ATF7: variants seen among roughly 807,000 people sequenced by gnomAD.
The protein encoded by ATF7 is activating transcription factor 7.
Under a neutral mutation model 50.4 loss-of-function variants are expected in ATF7, and 10 were observed. The observed-to-expected ratio is 0.20, with a 90% CI of 0.12 to 0.34. ATF7 has a LOEUF of 0.34. Ranked by LOEUF, ATF7 falls within the 10% of genes least tolerant of loss-of-function variation. The probability of loss-of-function intolerance (pLI) is 1.00; values close to 1 mark genes in which losing one functional copy is unlikely to be tolerated. For synonymous variants in ATF7, 201 were observed against 226.4 expected (o/e 0.89, Z 1.01); for missense variants, 465 against 613.9 (o/e 0.76, Z 2.56).
intron 2 of ATF7, among the ~76,000 whole-genome samples, chr12:53,587,837 ATATATATT>A (rs200959522): frequency 6.1e-5 from 3 of 49,282 alleles, no homozygotes; most frequent in South Asian, 1.9e-3. Flanking sequence ...ATATATATAT[ATATATATT>A]TTTTTTTTTT....
At chr12:53,540,670 A>G (rs1210461190) in intron 4 of ATF7, among the ~76,000 whole-genome samples, 1 of 151,878 alleles carries the variant, frequency 6.6e-6, no homozygotes, top group Non-Finnish European at 1.5e-5. Context: ...AGGTTGCAGT[A>G]AGCCGAGATT....
chr12:53,625,793 T>C (rs1038783763), intron 1 of ATF7, among the ~76,000 whole-genome samples: 8 of 152,136 alleles, frequency 5.3e-5, no homozygotes, highest in Non-Finnish European at 4.4e-5. Context: ...TCCCACTCTT[T>C]GGGAAGCCCT....
rs142049305 is a variant in ATF7, at chr12:53,541,311, T to C, written c.264+2019A>G. Among the ~76,000 whole-genome samples the C allele has an allele frequency of 4.0e-4, 61 of 152,262 alleles. No homozygotes were observed. In the East Asian group the frequency reaches 0.011, roughly 26 times the overall value. On this transcript the variant is annotated intron_variant, in intron 4 of 11. Transcript: ENST00000420353. ...TCCCATGCTTCACTATACCATGCAATTGTGAGGTTAATGTGTTTATATATA... is the reference window on the plus strand; with the variant it reads ...TCCCATGCTTCACTATACCATGCAACTGTGAGGTTAATGTGTTTATATATA...
Position 53,524,709 on chromosome 12 carries a change from A to G in ATF7, c.980T>C (p.Val327Ala). 1 of 1,613,046 alleles carries G rather than the reference A, an allele frequency of 6.2e-7. No individual in the cohort carries two copies. Among genetic ancestry groups the G allele is most frequent in the East Asian group, 2.2e-5 (1 of 44,876 alleles). The change falls in exon 10 of 12, where the codon GTA becomes GCA. Residue 327 changes from valine (V) to alanine (A), a missense_variant. Coordinates refer to ENST00000420353, the MANE Select transcript of ATF7 (RefSeq NM_006856.3). The surrounding 1 kb of genome is among the most constrained non-coding windows in gnomAD (Gnocchi z 4.6). ...CCGTCGCTCATCTGGATCTTCATCT[A>G]CTGTGCGCCGCCGTCGCCCCCCAGT... ...PSTGGRRRRT[V>A]DEDPDERRQR... is the part of the protein sequence containing the mutation.
intron 1 of ATF7, among the ~76,000 whole-genome samples, chr12:53,618,774 G>A (rs139761317): frequency 1.8e-4 from 27 of 152,160 alleles, no homozygotes; most frequent in Non-Finnish European, 2.4e-4. Flanking sequence ...AGTTAGGGTC[G>A]GACGCGATGG....
chr12:53,550,725 G>A (rs1940300157), intron 3 of ATF7, among the ~76,000 whole-genome samples: 1 of 152,204 alleles, frequency 6.6e-6, no homozygotes, highest in South Asian at 2.1e-4. Context: ...GTTCACATAA[G>A]GGGTTGGGAT....
chr12:53,545,833 T>TC (rs1057188501), intron 3 of ATF7, among the ~76,000 whole-genome samples: 6 of 151,568 alleles, frequency 4.0e-5, no homozygotes, highest in African/African-American at 1.5e-4. Flanking sequence ...GGCAGGCGGA[T>TC]CCCCCCTTGA....
rs187425887 is a variant in ATF7 at position 53,619,885 on chromosome 12, C to T, written c.-22+6394G>A. Among the ~76,000 whole-genome samples the T allele has an allele frequency of 8.5e-4, 130 of 152,090 alleles. 1 individual carries two copies. Among genetic ancestry groups the T allele is most frequent in the Middle Eastern group, 6.8e-3 (2 of 292 alleles). On this transcript the variant is annotated intron_variant, in intron 1 of 11. Coordinates refer to ENST00000420353, the MANE Select transcript of ATF7 (RefSeq NM_006856.3). ...ATCTGGCCAGGCACAGTAGCTCATG[C>T]GTGTAATCTCAGCACTTTGGGAGGC... is the stretch of plus-strand genomic sequence containing the variant.
chr12:53,533,056 A>G, intron 7 of ATF7, 104 bp downstream of exon 7: 1 of 1,029,400 alleles, frequency 9.7e-7, no homozygotes, highest in Non-Finnish European at 1.5e-6. Flanking sequence ...AATATAGATC[A>G]GAGCCCACAT....
chr12:53,569,867 C>T (rs772548310), intron 2 of ATF7, among the ~76,000 whole-genome samples: 1 of 152,028 alleles, frequency 6.6e-6, no homozygotes, highest in Non-Finnish European at 1.5e-5. Flanking sequence ...TTGGTAGAGA[C>T]GGGGTTTCAC....
chr12:53,600,344 CTT>C (rs1301233001), intron 2 of ATF7, among the ~76,000 whole-genome samples: 3 of 145,514 alleles, frequency 2.1e-5, no homozygotes, highest in Admixed American at 6.9e-5. Flanking sequence ...TTCTTTCTTT[CTT>C]TTTTTTTTTT....
At chr12:53,520,533 A>G (rs183988076) in intron 11 of ATF7, among the ~76,000 whole-genome samples, 1 of 152,212 alleles carries the variant, frequency 6.6e-6, no homozygotes, top group African/African-American at 2.4e-5. Context: ...CCTCCAAAAA[A>G]TCCCAAACCA....
At chr12:53,625,995 C>G (rs1191621052) in intron 1 of ATF7, 1 of 152,286 alleles carries the variant, frequency 6.6e-6, no homozygotes, top group East Asian at 1.9e-4. Context: ...CGCCTTCCCC[C>G]CAAAGGAAGG....
intron 9 of ATF7, chr12:53,525,077 G>A (rs910610630): frequency 1.2e-4 from 28 of 230,762 alleles, no homozygotes; most frequent in Non-Finnish European, 2.0e-4. Flanking sequence ...AATCTTGACC[G>A]GCACAGTGGC....
intron 11 of ATF7, chr12:53,517,686 GTTT>G (rs1937796211): frequency 3.4e-6 from 1 of 297,130 alleles, no homozygotes; most frequent in African/African-American, 2.1e-5. Flanking sequence ...ATTCTTTCTT[GTTT>G]TTAAGAGATA....
chr12:53,528,174 A>C (rs977313151), intron 9 of ATF7, among the ~76,000 whole-genome samples: 2 of 152,100 alleles, frequency 1.3e-5, no homozygotes, highest in Non-Finnish European at 2.9e-5. Flanking sequence ...GACTAATATT[A>C]TCTCTCCCAA....
intron 11 of ATF7, among the ~76,000 whole-genome samples, chr12:53,521,128 G>A (rs1450272205): frequency 1.3e-5 from 2 of 152,116 alleles, no homozygotes; most frequent in African/African-American, 4.8e-5. Context: ...AAGTAGCTGG[G>A]ATTACAGGCG....
At chr12:53,541,024 C>T (rs1939520640) in intron 4 of ATF7, among the ~76,000 whole-genome samples, 1 of 152,262 alleles carries the variant, frequency 6.6e-6, no homozygotes, top group South Asian at 2.1e-4. Flanking sequence ...ACCACCAGGC[C>T]TCGCGCAGCC....
chr12:53,525,919 T>C (rs1938423790), intron 9 of ATF7, among the ~76,000 whole-genome samples: 1 of 152,124 alleles, frequency 6.6e-6, no homozygotes, highest in South Asian at 2.1e-4. Context: ...AAAAATAAGT[T>C]ATACCGACCA....
Sources: gnomAD v4.1 joint callset for allele counts (sites outside exome capture counted in the v4.1 genomes callset) on GRCh38, gnomAD v4.1.1 for gene constraint, Gnocchi (gnomAD v3.1) non-coding constraint, MANE v1.5 for transcripts, NCBI Gene and HGNC (gene_info 2026-07-23, HGNC 2026-07-21) for gene names.